Variants in FRMD4A observed in about 807,000 individuals in gnomAD.
FRMD4A encodes the protein FERM domain containing 4A, also known as FERM domain-containing protein 4A.
A neutral mutation model predicts 129.1 loss-of-function variants in FRMD4A; 29 were observed. The observed-to-expected ratio is 0.22, with a 90% CI of 0.17 to 0.31. The LOEUF is 0.31. Among genes scored for constraint, FRMD4A ranks in the 10% least tolerant of loss-of-function variants. The pLI, the probability that FRMD4A is intolerant of heterozygous loss-of-function variation, is 1.00. For synonymous variants in FRMD4A, 634 were observed against 571.6 expected, an observed-to-expected ratio of 1.11 and a Z score of -1.56; for missense variants, 1,272 against 1,375.8, an observed-to-expected ratio of 0.92 and a Z score of 1.19.
At chr10:14,076,639 C>CAAA (rs1241793326) in intron 2 of FRMD4A, among the ~76,000 whole-genome samples, 4 of 134,584 alleles carry the variant, frequency 3.0e-5, no homozygotes, top group African/African-American at 8.3e-5. Flanking sequence ...GACTCCGTCT[C>CAAA]AAAAAAAAAA....
chr10:14,076,557 G>A (rs1057451291), intron 2 of FRMD4A, among the ~76,000 whole-genome samples: 10 of 151,908 alleles, frequency 6.6e-5, no homozygotes, highest in East Asian at 1.9e-4. Context: ...GGAGAACCGC[G>A]TGAACCCGGG....
At chr10:14,081,912 A>G (rs752312545) in intron 2 of FRMD4A, among the ~76,000 whole-genome samples, 9 of 152,254 alleles carry the variant, frequency 5.9e-5, no homozygotes, top group Non-Finnish European at 1.0e-4. Flanking sequence ...TATTTGTCCT[A>G]ATTCACTCCA....
At chr10:13,714,527 T>C (rs1028746678) in intron 12 of FRMD4A, among the ~76,000 whole-genome samples, 7 of 152,100 alleles carry the variant, frequency 4.6e-5, no homozygotes, top group Non-Finnish European at 8.8e-5. Flanking sequence ...CAACCATTCA[T>C]GTAGTAGTCT....
intron 2 of FRMD4A, among the ~76,000 whole-genome samples, chr10:14,126,464 C>T (rs960030170): frequency 6.6e-6 from 1 of 152,130 alleles, no homozygotes. Flanking sequence ...CCACCGTGCC[C>T]GGCCTGCCTT....
chr10:13,774,959 A>AC (rs77579006), intron 6 of FRMD4A, among the ~76,000 whole-genome samples: 43,849 of 150,858 alleles, frequency 0.29, 7,452 homozygotes, highest in East Asian at 0.54. Context: ...AGAAAAAAAA[A>AC]AACAACAAAA....
At chr10:14,200,014 TATTA>T (rs1417103132) in intron 2 of FRMD4A, among the ~76,000 whole-genome samples, 29 of 122,882 alleles carry the variant, frequency 2.4e-4, no homozygotes, top group African/African-American at 7.8e-4. Flanking sequence ...CTTGCTTATT[TATTA>T]ATTTGTTTTG....
At chr10:13,733,418 C>T (rs891784864) in intron 12 of FRMD4A, among the ~76,000 whole-genome samples, 4 of 151,810 alleles carry the variant, frequency 2.6e-5, no homozygotes, top group South Asian at 2.1e-4. Flanking sequence ...TTTGCTTTCC[C>T]TCAAGGGCTT....
At chr10:13,911,133 G>A (rs963953611) in intron 2 of FRMD4A, among the ~76,000 whole-genome samples, 1 of 152,144 alleles carries the variant, frequency 6.6e-6, no homozygotes, top group Non-Finnish European at 1.5e-5. Context: ...CCTGACTACA[G>A]CTTTGAAAAA....
In FRMD4A at chr10:13,930,382, G is replaced by A. The variant is rs539141469; in HGVS notation, c.46-71470C>T. Among the ~76,000 whole-genome samples, 14 of 152,350 alleles carry A rather than the reference G, an allele frequency of 9.2e-5. 1 individual carries two copies. The highest frequency in any genetic ancestry group is 1.9e-4 in the African/African-American group (8 of 41,580). ...CTACTCTCTGGCTTCTCCGTTAAGCGTCTGATAATGCTGGTCTCTGCCTGA... is the reference window on the plus strand; with the variant it reads ...CTACTCTCTGGCTTCTCCGTTAAGCATCTGATAATGCTGGTCTCTGCCTGA... On this transcript the variant is annotated intron_variant, in intron 2 of 24. Transcript: ENST00000357447.
intron 2 of FRMD4A, among the ~76,000 whole-genome samples, chr10:13,897,668 G>A (rs2094773236): frequency 6.6e-6 from 1 of 152,164 alleles, no homozygotes; most frequent in Non-Finnish European, 1.5e-5. Flanking sequence ...TAGGTACAGT[G>A]GCTCAAGCCT....
At chr10:13,893,010 G>A (rs931467196) in intron 2 of FRMD4A, among the ~76,000 whole-genome samples, 1 of 152,076 alleles carries the variant, frequency 6.6e-6, no homozygotes, top group African/African-American at 2.4e-5. Context: ...TTGAACGCTG[G>A]TGTTAAGGAC....
chr10:14,105,814 T>C (rs1837558736), intron 2 of FRMD4A, among the ~76,000 whole-genome samples: 1 of 152,234 alleles, frequency 6.6e-6, no homozygotes, highest in Admixed American at 6.5e-5. Flanking sequence ...TTTTACAGTT[T>C]CCTGTAATCT....
chr10:14,027,310 G>A (rs962081410), intron 2 of FRMD4A, among the ~76,000 whole-genome samples: 1 of 152,192 alleles, frequency 6.6e-6, no homozygotes, highest in African/African-American at 2.4e-5. Flanking sequence ...GACTTTATGT[G>A]ACTATTTTCT....
At position 13,656,716 on chromosome 10, in the gene FRMD4A, T is replaced by C; in HGVS notation, c.2873A>G (p.Gln958Arg). Reference protein sequence around the residue: ...TSSTSSDSGSQYSTSSQSTFV... With the variant: ...TSSTSSDSGSRYSTSSQSTFV... ...GGTGCTCTGGGAGGAGGTGCTGTAC[T>C]GCGAGCCGCTGTCCGAGGAGGTGGA... Residue 958 changes from glutamine (Q) to arginine (R), a missense_variant, in exon 22 of 25, where the codon CAG (glutamine) becomes CGG (arginine). Around this residue, in one of 2 missense-constraint regions of FRMD4A, gnomAD observed 972 missense variants for 892.3 expected, o/e 1.09. Coordinates refer to ENST00000357447, the MANE Select transcript of FRMD4A (RefSeq NM_018027.5). 1 of 1,587,520 alleles carries C rather than the reference T, an allele frequency of 6.3e-7. No homozygotes were observed. Among genetic ancestry groups the C allele is most frequent in the Non-Finnish European group, 8.6e-7 (1 of 1,168,302 alleles).
chr10:13,786,347 G>A (rs948119399), intron 5 of FRMD4A, among the ~76,000 whole-genome samples: 2 of 152,214 alleles, frequency 1.3e-5, no homozygotes, highest in African/African-American at 4.8e-5. Flanking sequence ...GCTCATGCCT[G>A]TAATCCCAGC....
At chr10:13,898,960 A>T (rs1369966891) in intron 2 of FRMD4A, among the ~76,000 whole-genome samples, 1 of 151,994 alleles carries the variant, frequency 6.6e-6, no homozygotes, top group Non-Finnish European at 1.5e-5. Flanking sequence ...AGGTGGGAGG[A>T]TCACTTGAGG....
chr10:13,770,487 A>T (rs1437824132), intron 6 of FRMD4A, among the ~76,000 whole-genome samples: 1 of 152,184 alleles, frequency 6.6e-6, no homozygotes, highest in Non-Finnish European at 1.5e-5. Context: ...TCTGTTGCCC[A>T]GGATGGAGTG....
rs1039911768 is a variant in FRMD4A, at chr10:13,873,134, C to T, written c.46-14222G>A. 1.4e-4 allele frequency among the ~76,000 whole-genome samples: 21 copies of T among 151,116 alleles called. 1 individual carries two copies. The highest frequency in any genetic ancestry group is 4.4e-4 in the African/African-American group (18 of 40,958). On this transcript the variant is annotated intron_variant, in intron 2 of 24. Transcript: ENST00000357447. The stretch of plus-strand genomic sequence containing the variant: ...GAAGTTGCAGTGAGCCTAGATCACA[C>T]CACTGCACTCCAGCATGGGTGAAAA...
intron 2 of FRMD4A, among the ~76,000 whole-genome samples, chr10:14,059,813 A>T (rs1289294408): frequency 6.6e-6 from 1 of 152,228 alleles, no homozygotes; most frequent in Non-Finnish European, 1.5e-5. Flanking sequence ...GAAATCAAGC[A>T]ATGATATCCT....
Sources: gnomAD v4.1 joint callset for allele counts (sites outside exome capture counted in the v4.1 genomes callset) on GRCh38, gnomAD v4.1.1 for gene constraint, gnomAD v4.1.1 regional missense constraint, MANE v1.5 for transcripts, NCBI Gene and HGNC (gene_info 2026-07-23, HGNC 2026-07-21) for gene names.